The following GALNT2 variants were observed in gnomAD, a reference collection of about 807,000 sequenced individuals.
GALNT2 encodes the protein polypeptide N-acetylgalactosaminyltransferase 2.
In GALNT2, 31 loss-of-function variants were observed where a neutral mutation model predicts 81.4. That is an observed-to-expected ratio of 0.38 (90% CI 0.29 to 0.51). The LOEUF (loss-of-function observed/expected upper bound fraction) is 0.51. Ranked by LOEUF, GALNT2 falls within the 20% of genes least tolerant of loss-of-function variation. The pLI is 0.87. For missense variants in GALNT2, 629 were observed against 765.7 expected, an observed-to-expected ratio of 0.82 and a Z score of 2.11; for synonymous variants, 303 against 287.4, an observed-to-expected ratio of 1.05 and a Z score of -0.55.
intron 2 of GALNT2, among the ~76,000 whole-genome samples, chr1:230,187,177 C>T (rs1558130337): frequency 6.6e-6 from 1 of 152,204 alleles, no homozygotes; most frequent in African/African-American, 2.4e-5. Context: ...CCAGATCTAA[C>T]AGGGCAGAGC....
At chr1:230,097,069 G>T (rs1005079563) in intron 1 of GALNT2, among the ~76,000 whole-genome samples, 1 of 152,146 alleles carries the variant, frequency 6.6e-6, no homozygotes, top group African/African-American at 2.4e-5. Context: ...AATGTCGCTT[G>T]ACATTTCAGA....
Position 230,172,912 on chromosome 1 carries a change from A to G in GALNT2, c.127-5306A>G, listed in dbSNP as rs556016954. 5.9e-5 allele frequency among the ~76,000 whole-genome samples: 9 copies of G among 152,310 alleles called. No homozygotes were observed. The East Asian group carries it at 1.7e-3, about 29-fold the overall frequency. ...TGTACTTAGAGATAGGATGAATTTG[A>G]GCTGCTGTGCTCTCTGATTATGGCA... On this transcript the variant is annotated intron_variant, in intron 1 of 15. Transcript: ENST00000366672.
chr1:230,137,908 C>T (rs953052850), intron 1 of GALNT2, among the ~76,000 whole-genome samples: 9 of 152,206 alleles, frequency 5.9e-5, no homozygotes, highest in Admixed American at 5.9e-4. Flanking sequence ...AGTCTTTAAA[C>T]AGCATTATTA....
At chr1:230,133,980 C>T (rs1661452728) in intron 1 of GALNT2, among the ~76,000 whole-genome samples, 1 of 152,080 alleles carries the variant, frequency 6.6e-6, no homozygotes, top group African/African-American at 2.4e-5. Flanking sequence ...TTTCTGGTTT[C>T]CTCCATTTCT....
intron 1 of GALNT2, among the ~76,000 whole-genome samples, chr1:230,075,040 C>T (rs1659493249): frequency 1.4e-5 from 2 of 147,118 alleles, no homozygotes; most frequent in South Asian, 4.3e-4. Flanking sequence ...ATACTGCGGC[C>T]TCATTTGGAA....
chr1:230,125,365 T>A (rs1661141469), intron 1 of GALNT2, among the ~76,000 whole-genome samples: 1 of 152,214 alleles, frequency 6.6e-6, no homozygotes, highest in South Asian at 2.1e-4. Context: ...GTTTCTCAAA[T>A]TCTGCAGTTT....
intron 1 of GALNT2, among the ~76,000 whole-genome samples, chr1:230,072,314 C>G (rs972557554): frequency 7.1e-6 from 1 of 141,598 alleles, no homozygotes; most frequent in African/African-American, 2.7e-5. Flanking sequence ...TGCCTAACTT[C>G]TAGCAAGTCC....
intron 1 of GALNT2, among the ~76,000 whole-genome samples, chr1:230,177,261 G>A (rs540445277): frequency 3.3e-4 from 51 of 152,386 alleles, no homozygotes; most frequent in African/African-American, 1.1e-3. Flanking sequence ...AGTCCGCACT[G>A]GTCCAGAGGA....
At chr1:230,195,870 C>G (rs1231170573) in intron 2 of GALNT2, among the ~76,000 whole-genome samples, 1 of 152,070 alleles carries the variant, frequency 6.6e-6, no homozygotes, top group African/African-American at 2.4e-5. Context: ...AGGGGCTGGG[C>G]TGGCTTGGAG....
chr1:230,122,663 C>T (rs760485708), intron 1 of GALNT2, among the ~76,000 whole-genome samples: 2 of 151,000 alleles, frequency 1.3e-5, no homozygotes, highest in African/African-American at 4.9e-5. Context: ...TGTGTTCATC[C>T]GTGTGTGTGT....
intron 1 of GALNT2, among the ~76,000 whole-genome samples, chr1:230,110,240 C>T (rs1261491618): frequency 6.6e-6 from 1 of 152,216 alleles, no homozygotes; most frequent in Admixed American, 6.5e-5. Context: ...CATTCCCTCC[C>T]CTCCTCACCT....
At chr1:230,244,069 T>C (rs2102742511) in intron 7 of GALNT2, among the ~76,000 whole-genome samples, 1 of 151,920 alleles carries the variant, frequency 6.6e-6, no homozygotes, top group East Asian at 2.0e-4. Context: ...TGACTTTTCT[T>C]TCCTTCCTAC....
At chr1:230,272,728 C>T (rs995986738) in intron 14 of GALNT2, among the ~76,000 whole-genome samples, 1 of 152,030 alleles carries the variant, frequency 6.6e-6, no homozygotes, top group African/African-American at 2.4e-5. Context: ...GGTCTGAATG[C>T]TAGAATCTTT....
At chr1:230,191,427 A>G (rs1373459521) in intron 2 of GALNT2, among the ~76,000 whole-genome samples, 2 of 152,248 alleles carry the variant, frequency 1.3e-5, no homozygotes, top group East Asian at 1.9e-4. Flanking sequence ...AAAGGCTACC[A>G]TATAAAAGAG....
chr1:230,109,044 C>T (rs761913075), intron 1 of GALNT2, among the ~76,000 whole-genome samples: 25 of 152,328 alleles, frequency 1.6e-4, no homozygotes, highest in Admixed American at 9.8e-4. Context: ...ACAGTGCAAA[C>T]GTTTTCTAGA....
intron 1 of GALNT2, among the ~76,000 whole-genome samples, chr1:230,144,686 T>C (rs58097445): frequency 1.3e-5 from 2 of 152,176 alleles, no homozygotes; most frequent in Admixed American, 6.5e-5. Flanking sequence ...TGGTGTGTTT[T>C]AAAGCAAATC....
intron 2 of GALNT2, among the ~76,000 whole-genome samples, chr1:230,189,314 C>A (rs1663441613): frequency 6.6e-6 from 1 of 152,176 alleles, no homozygotes; most frequent in Non-Finnish European, 1.5e-5. Context: ...GCTGTGTCTT[C>A]ATCACAGCCA....
chr1:230,073,899 C>CTGG (rs1659449118), intron 1 of GALNT2, among the ~76,000 whole-genome samples: 3 of 152,172 alleles, frequency 2.0e-5, no homozygotes, highest in Non-Finnish European at 4.4e-5. Flanking sequence ...CTGCTGACCA[C>CTGG]CTCCTCCTGC....
Position 230,243,230 on chromosome 1 carries a change from C to T in GALNT2, c.608-76C>T, listed in dbSNP as rs981821682. On this transcript the variant is annotated intron_variant, in intron 6 of 15. Coordinates refer to ENST00000366672, the MANE Select transcript of GALNT2 (RefSeq NM_004481.5). The surrounding 1 kb of genome is among the most constrained non-coding windows in gnomAD (Gnocchi z 4.2). ...GGCTGCAGAGCTGCGGGCAGGGAGG[C>T]GTCGCCGGTTGGCATGGGGTTGTGC... 1.0e-5 allele frequency: 15 copies of T among 1,490,122 alleles called. No individual in the cohort carries two copies. Among genetic ancestry groups the T allele is most frequent in the East Asian group, 2.4e-5 (1 of 40,914 alleles). The allele number at this position is 1,490,122 out of a possible 1,614,324, so 92.3% of individuals were successfully genotyped here. A position where few individuals can be genotyped will look rare whatever the true frequency, so the allele number is the denominator to read the frequency against.
Sources: gnomAD v4.1 joint callset for allele counts (sites outside exome capture counted in the v4.1 genomes callset) on GRCh38, gnomAD v4.1.1 for gene constraint, Gnocchi (gnomAD v3.1) non-coding constraint, MANE v1.5 for transcripts, NCBI Gene and HGNC (gene_info 2026-07-23, HGNC 2026-07-21) for gene names.